The following GOLGA4 variants were observed in gnomAD, a reference collection of about 807,000 sequenced individuals.
GOLGA4 encodes golgin subfamily A member 4.
In GOLGA4, 169 loss-of-function variants were observed where a neutral mutation model predicts 265.9. The ratio of observed to expected loss-of-function variants is 0.64; its 90% CI spans 0.56 to 0.72. The LOEUF is 0.72. GOLGA4 is among the 30% of genes least tolerant of loss of function. GOLGA4 has a pLI of 0.00. For missense variants in GOLGA4, 2,482 were observed against 2,483.4 expected, an observed-to-expected ratio of 1.00 and a Z score of 0.01; for synonymous variants, 923 against 855.8, an observed-to-expected ratio of 1.08 and a Z score of -1.37.
chr3:37,333,325 A>G (rs1390991470), intron 16 of GOLGA4, among the ~76,000 whole-genome samples: 1 of 152,258 alleles, frequency 6.6e-6, no homozygotes, highest in Non-Finnish European at 1.5e-5. Context: ...TTATGTATAT[A>G]CATAAAGATT....
At chr3:37,259,929 G>A (rs2096764710) in intron 2 of GOLGA4, among the ~76,000 whole-genome samples, 1 of 152,168 alleles carries the variant, frequency 6.6e-6, no homozygotes, top group Non-Finnish European at 1.5e-5. Flanking sequence ...AGAGCCTTGA[G>A]TTGTGGTCTT....
At chr3:37,268,965 T>G (rs116458468) in intron 2 of GOLGA4, among the ~76,000 whole-genome samples, 1 of 152,360 alleles carries the variant, frequency 6.6e-6, no homozygotes, top group Non-Finnish European at 1.5e-5. Context: ...CATTACAAGT[T>G]CAGTAGGTAC....
intron 20 of GOLGA4, among the ~76,000 whole-genome samples, chr3:37,344,204 C>T (rs1013118971): frequency 5.3e-5 from 8 of 152,176 alleles, no homozygotes; most frequent in Admixed American, 2.0e-4. Flanking sequence ...TGGGTTCAAG[C>T]GATTGTCATG....
At chr3:37,290,971 A>T (rs1344154856) in intron 5 of GOLGA4, among the ~76,000 whole-genome samples, 1 of 152,136 alleles carries the variant, frequency 6.6e-6, no homozygotes. Context: ...TTTGCTTAAC[A>T]TTTCTTTTTT....
At chr3:37,365,198 A>G (rs1303833275) in intron 23 of GOLGA4, among the ~76,000 whole-genome samples, 1 of 152,142 alleles carries the variant, frequency 6.6e-6, no homozygotes, top group East Asian at 1.9e-4. Context: ...CTATTATGTC[A>G]TGCTGGGAGA....
At chr3:37,362,441 C>T (rs1007076279) in intron 23 of GOLGA4, among the ~76,000 whole-genome samples, 12 of 151,154 alleles carry the variant, frequency 7.9e-5, no homozygotes, top group Non-Finnish European at 1.6e-4. Flanking sequence ...GGGGTTTCAC[C>T]GTTTTAGCCA....
intron 1 of GOLGA4, among the ~76,000 whole-genome samples, chr3:37,248,760 C>T (rs56353111): frequency 1.0e-3 from 155 of 152,256 alleles, no homozygotes; most frequent in African/African-American, 3.1e-3. Flanking sequence ...GCTGATGAGG[C>T]TCTCAGTTAC....
chr3:37,354,366 T>A (rs1042430050), intron 21 of GOLGA4, among the ~76,000 whole-genome samples: 1 of 152,066 alleles, frequency 6.6e-6, no homozygotes, highest in Admixed American at 6.6e-5. Context: ...ATTTCATAAG[T>A]GGTATCTTCT....
At chr3:37,323,108 CCTTTT>C (rs2096959658) in intron 13 of GOLGA4, among the ~76,000 whole-genome samples, 1 of 142,524 alleles carries the variant, frequency 7.0e-6, no homozygotes, top group Non-Finnish European at 1.5e-5. Context: ...TCTTTTCTTT[CCTTTT>C]GTCTTTTTTT....
At chr3:37,350,815 A>G (rs2097071554) in intron 21 of GOLGA4, among the ~76,000 whole-genome samples, 1 of 152,136 alleles carries the variant, frequency 6.6e-6, no homozygotes, top group Non-Finnish European at 1.5e-5. Context: ...TCAAAAAAGT[A>G]TATACCTTAA....
At chr3:37,276,377 G>T in intron 2 of GOLGA4, 1 of 1,607,256 alleles carries the variant, frequency 6.2e-7, no homozygotes, top group East Asian at 2.2e-5. Context: ...AGAGGAAATG[G>T]CTAGTGATGA....
At chr3:37,245,965 T>C (rs1015723733) in intron 1 of GOLGA4, among the ~76,000 whole-genome samples, 12 of 152,248 alleles carry the variant, frequency 7.9e-5, no homozygotes, top group African/African-American at 7.2e-5. Flanking sequence ...AAACAAAAAA[T>C]GTGGCCTGGT....
chr3:37,269,558 A>G (rs1246596611), intron 2 of GOLGA4, among the ~76,000 whole-genome samples: 2 of 152,218 alleles, frequency 1.3e-5, no homozygotes, highest in African/African-American at 4.8e-5. Context: ...AGAAAAAAAA[A>G]ATAGGCATAA....
chr3:37,361,169 T>C (rs1456077619), intron 22 of GOLGA4, 74 bp from the exon 23 acceptor site: 4 of 1,097,824 alleles, frequency 3.6e-6, no homozygotes, highest in African/African-American at 3.1e-5. Flanking sequence ...GAACTTCATA[T>C]ACACATACAA....
At chr3:37,278,118 G>A (rs2096824309) in intron 2 of GOLGA4, among the ~76,000 whole-genome samples, 1 of 150,864 alleles carries the variant, frequency 6.6e-6, no homozygotes, top group Non-Finnish European at 1.5e-5. Context: ...TTTAAAATTT[G>A]TAATTCAATA....
Position 37,326,774 on chromosome 3 carries a change from G to C in GOLGA4, c.4888G>C (p.Glu1630Gln), listed in dbSNP as rs2096972406. Residue 1630 changes from glutamate to glutamine, a missense_variant, in exon 14 of 24, where the codon GAG becomes CAG. Glu to Gln is a conservative substitution (Grantham distance 29). Coordinates refer to ENST00000361924, the MANE Select transcript of GOLGA4 (RefSeq NM_002078.5). ...EELKALEDRL[E>Q]SESAAKLAEL... ...GTTAAAGGCATTGGAAGATAGGCTTGAGTCAGAAAGTGCTGCAAAATTAGC... is the reference window on the plus strand; with the variant it reads ...GTTAAAGGCATTGGAAGATAGGCTTCAGTCAGAAAGTGCTGCAAAATTAGC... The C allele has an allele frequency of 6.2e-7, 1 of 1,613,776 alleles. No homozygotes were observed. The highest frequency in any genetic ancestry group is 8.5e-7 in the Non-Finnish European group (1 of 1,179,744).
Position 37,326,359 on chromosome 3 carries a change from A to G in GOLGA4, c.4473A>G (p.Gln1491=), listed in dbSNP as rs57323471. ...INLLKEELDQ[Q]NKRFDCLKGE... is the part of the protein sequence containing the mutation. ...TATTGAAGGAAGAGCTTGATCAGCAAAATAAAAGATTTGATTGTTTAAAGG... is the reference window on the plus strand; with the variant it reads ...TATTGAAGGAAGAGCTTGATCAGCAGAATAAAAGATTTGATTGTTTAAAGG... The change falls in exon 14 of 24, where the codon CAA becomes CAG. Residue 1491 remains glutamine (Q), a synonymous_variant. Coordinates refer to ENST00000361924, the MANE Select transcript of GOLGA4 (RefSeq NM_002078.5). 2,217 of 1,612,862 alleles carry G rather than the reference A, an allele frequency of 1.4e-3. 27 individuals are homozygous for G. The African/African-American group carries it at 0.025, about 18-fold the overall frequency.
At chr3:37,259,413 A>G (rs1053863516) in intron 2 of GOLGA4, among the ~76,000 whole-genome samples, 5 of 152,226 alleles carry the variant, frequency 3.3e-5, no homozygotes, top group African/African-American at 4.8e-5. Flanking sequence ...AAGTCTGTCA[A>G]TTGCAGGCTG....
In GOLGA4 at chr3:37,325,826, G is replaced by T; in HGVS notation, c.3940G>T (p.Glu1314Ter). The T allele has an allele frequency of 6.2e-7, 1 of 1,613,232 alleles. No homozygotes were observed. The highest frequency in any genetic ancestry group is 8.5e-7 in the Non-Finnish European group (1 of 1,179,404). The stretch of plus-strand genomic sequence containing the variant: ...AATTAAGAGCATGAAGGCTGATATT[G>T]AAAGTCTTGTAACAGAAAAAGAAGC... ...NQIKSMKADI[E>*]SLVTEKEALQ... Residue 1314 changes from glutamate to a stop codon, truncating the protein, a stop_gained, in exon 14 of 24, where the codon GAA becomes TAA. Coordinates refer to ENST00000361924, the MANE Select transcript of GOLGA4 (RefSeq NM_002078.5). LOFTEE classifies it high-confidence loss of function.
Sources: allele counts gnomAD v4.1 joint callset (sites outside exome capture counted in the v4.1 genomes callset), GRCh38; gene constraint gnomAD v4.1.1; transcripts MANE v1.5; gene names NCBI Gene and HGNC (gene_info 2026-07-23, HGNC 2026-07-21).